The following RPLP0 variants were observed in gnomAD, a reference collection of about 807,000 sequenced individuals.
The protein encoded by RPLP0 is large ribosomal subunit protein uL10.
For synonymous variants in RPLP0, 137 were observed against 153.4 expected, an observed-to-expected ratio of 0.89 and a Z score of 0.79; for missense variants, 276 against 402.9, an observed-to-expected ratio of 0.69 and a Z score of 2.70.
chr12:120,197,257 A>G (rs941306047), intron 7 of RPLP0, 65 bp downstream of exon 7: 27 of 1,420,098 alleles, frequency 1.9e-5, no homozygotes, highest in East Asian at 4.6e-5. Context: ...GTAAGGTAGA[A>G]GGCCACATCA....
chr12:120,199,030 C>T (rs752644484), intron 4 of RPLP0, 30 bp from the exon 5 acceptor site: 8 of 1,613,794 alleles, frequency 5.0e-6, no homozygotes, highest in African/African-American at 4.0e-5. Context: ...GTGAGAAAAG[C>T]CTCTCCACTC....
At chr12:120,200,397 A>AG in intron 2 of RPLP0, 1 of 337,840 alleles carries the variant, frequency 3.0e-6, no homozygotes, top group East Asian at 7.8e-5. Flanking sequence ...TGGGAAGCGG[A>AG]GGTTGCAGTA....
chr12:120,197,284 C>T, intron 7 of RPLP0, 38 bp downstream of exon 7: 1 of 1,593,700 alleles, frequency 6.3e-7, no homozygotes, highest in Non-Finnish European at 8.6e-7. Flanking sequence ...TAATTTGTCA[C>T]AGTCAGGCCC....
At chr12:120,199,589 T>C (rs1879326337) in intron 2 of RPLP0, 104 bp from the exon 3 acceptor site, 2 of 1,224,546 alleles carry the variant, frequency 1.6e-6, no homozygotes, top group East Asian at 5.1e-5. Context: ...ACTCCCTTTC[T>C]TCTAAGCTTT....
intron 7 of RPLP0, 57 bp from the exon 8 acceptor site, chr12:120,196,991 A>G (rs1879208595): frequency 1.2e-6 from 2 of 1,603,268 alleles, no homozygotes; most frequent in Admixed American, 1.7e-5. Flanking sequence ...ATTACCCACC[A>G]CCCTCCTGCC....
intron 6 of RPLP0, chr12:120,197,817 A>G: frequency 4.2e-6 from 1 of 236,272 alleles, no homozygotes; most frequent in Non-Finnish European, 8.4e-6. Flanking sequence ...TCAAACTTTC[A>G]ACAAATGAAG....
At chr12:120,201,001 C>T in intron 1 of RPLP0, 82 bp downstream of exon 1, 1 of 693,790 alleles carries the variant, frequency 1.4e-6, no homozygotes, top group Non-Finnish European at 2.2e-6. Context: ...CAGAATAGGA[C>T]TCCATGTTCC....
At chr12:120,201,035 A>T (rs1013170788) in intron 1 of RPLP0, 48 bp downstream of exon 1, 9 of 479,762 alleles carry the variant, frequency 1.9e-5, no homozygotes, top group Non-Finnish European at 2.5e-5. Context: ...AGACCCCTCC[A>T]TGCTTCCCGC....
Position 120,199,014 on chromosome 12 carries a change from C to T in RPLP0, c.319-14G>A, listed in dbSNP as rs1879293425. 1 of 1,614,048 alleles carries T rather than the reference C, an allele frequency of 6.2e-7. No individual in the cohort carries two copies. Among genetic ancestry groups the T allele is most frequent in the Non-Finnish European group, 8.5e-7 (1 of 1,179,932 alleles). The stretch of plus-strand genomic sequence containing the variant: ...AGCAGCTGGCACCTGACAAAGACAA[C>T]AAACAGTGAGAAAAGCCTCTCCACT... On this transcript the variant is annotated splice_polypyrimidine_tract_variant and intron_variant, in intron 4 of 7. Coordinates refer to ENST00000392514, the MANE Select transcript of RPLP0 (RefSeq NM_001002.4).
chr12:120,198,501 T>C lies in RPLP0; in HGVS notation c.651+53A>G, dbSNP rs1879273554. On this transcript the variant is annotated intron_variant, in intron 6 of 7. Coordinates refer to ENST00000392514, the MANE Select transcript of RPLP0 (RefSeq NM_001002.4). This position sits in a 1 kb window ranked among gnomAD's most constrained non-coding sequence, Gnocchi z 4.1. ...TGGTTACAGGGACTCAGTCTGAACC[T>C]TGTCATGCTCTCAACCATCAGTGTA... The C allele has an allele frequency of 6.2e-7, 1 of 1,603,268 alleles. No homozygotes were observed. The highest frequency in any genetic ancestry group is 1.3e-5 in the African/African-American group (1 of 74,800).
Position 120,199,712 on chromosome 12 carries a change from CTT to C in RPLP0, c.55-229_55-228del. 5 of 516,458 alleles carry C rather than the reference CTT, an allele frequency of 9.7e-6. No individual in the cohort carries two copies. The South Asian group carries it at 1.1e-4, about 12-fold the overall frequency. 32.0% of individuals were successfully genotyped at this position (516,458 alleles called of 1,614,324 possible). A position where few individuals can be genotyped will look rare whatever the true frequency, so the allele number is the denominator to read the frequency against. ...TCTACATTCAATCAAGGAGTTTTTT[CTT>C]TTTTTACTTAGTTTTTAATTTTTCC... On this transcript the variant is annotated intron_variant, in intron 2 of 7. Coordinates refer to ENST00000392514, the MANE Select transcript of RPLP0 (RefSeq NM_001002.4).
intron 3 of RPLP0, 26 bp downstream of exon 3, chr12:120,199,284 A>G: frequency 6.2e-7 from 1 of 1,614,022 alleles, no homozygotes; most frequent in Middle Eastern, 1.6e-4. Flanking sequence ...CTGGGGAGAA[A>G]GGACAAAACT....
intron 7 of RPLP0, 168 bp downstream of exon 7, chr12:120,197,154 A>G: frequency 9.8e-7 from 1 of 1,017,764 alleles, no homozygotes; most frequent in Non-Finnish European, 1.5e-6. Flanking sequence ...GTCTCTTGTC[A>G]TTTCTCAAGT....
rs753160636 is a variant in RPLP0 at position 120,200,825 on chromosome 12, G to A, written c.-42C>T. 11 of 1,600,710 alleles carry A rather than the reference G, an allele frequency of 6.9e-6. No homozygotes were observed. Among genetic ancestry groups the A allele is most frequent in the African/African-American group, 4.0e-5 (3 of 74,566 alleles). On this transcript the variant is annotated 5_prime_UTR_variant, in exon 2 of 8. Transcript: ENST00000392514. ...GGATTGCCACGCAGGGTTTAAAGACGATGTCACTGAGGAGAGACAGGGAGC... is the reference window on the plus strand; with the variant it reads ...GGATTGCCACGCAGGGTTTAAAGACAATGTCACTGAGGAGAGACAGGGAGC...
intron 1 of RPLP0, 121 bp downstream of exon 1, chr12:120,200,962 G>T: frequency 8.8e-7 from 1 of 1,140,210 alleles, no homozygotes; most frequent in Non-Finnish European, 1.2e-6. Context: ...CTCGGGGCGT[G>T]CAAGCCGCCA....
At chr12:120,197,000 C>T in intron 7 of RPLP0, 66 bp from the exon 8 acceptor site, 1 of 1,601,492 alleles carries the variant, frequency 6.2e-7, no homozygotes, top group Non-Finnish European at 8.5e-7. Flanking sequence ...CACCCTCCTG[C>T]CTTGGTAGAG....
chr12:120,200,194 G>C (rs1594300185), intron 2 of RPLP0: 1 of 441,410 alleles, frequency 2.3e-6, no homozygotes, highest in African/African-American at 2.0e-5. Context: ...GCCGGGCGCG[G>C]TGGCTCACAC....
Position 120,198,652 on chromosome 12 carries a change from A to G in RPLP0, c.553T>C (p.Phe185Leu). 6.2e-7 allele frequency: 1 copy of G among 1,614,090 alleles called. No homozygotes were observed. Among genetic ancestry groups the G allele is most frequent in the South Asian group, 1.1e-5 (1 of 91,076 alleles). Residue 185 changes from phenylalanine (F) to leucine (L), a missense_variant, in exon 6 of 8, where the codon TTT becomes CTT. Coordinates refer to ENST00000392514, the MANE Select transcript of RPLP0 (RefSeq NM_001002.4). The surrounding 1 kb of genome is among the most constrained non-coding windows in gnomAD (Gnocchi z 4.1). ...LNMLNISPFS[F>L]GLVIQQVFDN... ...AACACCTGCTGGATGACCAGCCCAA[A>G]GGAGAAGGGGGAGATGTTGAGCATG...
intron 6 of RPLP0, chr12:120,197,764 G>A (rs951027416): frequency 1.9e-5 from 6 of 312,334 alleles, no homozygotes; most frequent in East Asian, 1.1e-4. Context: ...TTCCATGAAC[G>A]AAAAATGTTC....
Sources: allele counts gnomAD v4.1 joint callset, GRCh38; gene constraint gnomAD v4.1.1; non-coding constraint Gnocchi (gnomAD v3.1); transcripts MANE v1.5; gene names NCBI Gene and HGNC (gene_info 2026-07-23, HGNC 2026-07-21).